The following NAV2 variants were observed in gnomAD, a reference collection of about 807,000 sequenced individuals.
The protein encoded by NAV2 is neuron navigator 2.
Under a neutral mutation model 223.2 loss-of-function variants are expected in NAV2, and 54 were observed. The observed-to-expected ratio is 0.24, with a 90% CI of 0.19 to 0.30. The LOEUF is 0.30. Among genes scored for constraint, NAV2 ranks in the 10% least tolerant of loss-of-function variants. The probability of loss-of-function intolerance (pLI) is 1.00; values close to 1 mark genes in which losing one functional copy is unlikely to be tolerated. For missense variants in NAV2, 2,806 were observed against 3,147.5 expected (o/e 0.89, Z 2.60); for synonymous variants, 1,279 against 1,239.3 (o/e 1.03, Z -0.67).
At chr11:19,592,744 C>A (rs781634114) in intron 1 of NAV2, among the ~76,000 whole-genome samples, 32 of 152,004 alleles carry the variant, frequency 2.1e-4, no homozygotes, top group Non-Finnish European at 3.7e-4. Context: ...TATGAAGTAA[C>A]AATGAAAATA....
intron 1 of NAV2, chr11:19,506,973 A>G (rs2134196473): frequency 6.6e-6 from 1 of 152,284 alleles, no homozygotes; most frequent in African/African-American, 2.4e-5. Flanking sequence ...CAGAGGTCAC[A>G]CACCCACAAT....
intron 1 of NAV2, among the ~76,000 whole-genome samples, chr11:19,642,146 C>G (rs780744839): frequency 1.4e-4 from 22 of 152,144 alleles, no homozygotes; most frequent in Non-Finnish European, 2.8e-4. Flanking sequence ...ATCCCTATGC[C>G]GTATCTCTAC....
chr11:20,031,093 G>C (rs761621793), intron 11 of NAV2, among the ~76,000 whole-genome samples: 30 of 152,124 alleles, frequency 2.0e-4, no homozygotes, highest in Non-Finnish European at 4.1e-4. Context: ...ACTGTTTCAG[G>C]ACCAGGACAC....
chr11:19,368,787 C>T (rs577146684), intron 1 of NAV2, among the ~76,000 whole-genome samples: 30 of 152,266 alleles, frequency 2.0e-4, no homozygotes, highest in South Asian at 1.5e-3. Flanking sequence ...AGCTTTTAAT[C>T]ATATTTTTCA....
intron 1 of NAV2, among the ~76,000 whole-genome samples, chr11:19,467,340 A>G (rs906994232): frequency 1.3e-5 from 2 of 152,188 alleles, no homozygotes; most frequent in African/African-American, 2.4e-5. Context: ...AGTTTCTTCA[A>G]AATAATATTA....
chr11:19,529,276 A>G (rs1052861603), intron 1 of NAV2, among the ~76,000 whole-genome samples: 1 of 152,238 alleles, frequency 6.6e-6, no homozygotes, highest in African/African-American at 2.4e-5. Flanking sequence ...AGAAGCATTT[A>G]GATCCACAAA....
At chr11:19,653,065 C>T (rs915053222) in intron 1 of NAV2, among the ~76,000 whole-genome samples, 1 of 152,200 alleles carries the variant, frequency 6.6e-6, no homozygotes, top group Non-Finnish European at 1.5e-5. Flanking sequence ...CGGTAGCCAT[C>T]CTTTCTCCAT....
At chr11:19,807,738 G>A (rs917448516) in intron 1 of NAV2, among the ~76,000 whole-genome samples, 3 of 152,202 alleles carry the variant, frequency 2.0e-5, no homozygotes, top group African/African-American at 7.2e-5. Flanking sequence ...GGTGAGCAAA[G>A]GATGTGCTCA....
At chr11:19,401,765 A>G (rs1849695727) in intron 1 of NAV2, 1 of 152,206 alleles carries the variant, frequency 6.6e-6, no homozygotes, top group African/African-American at 2.4e-5. Context: ...GGTATATTTC[A>G]TGGAACACTA....
At chr11:19,577,227 G>A (rs541570343) in intron 1 of NAV2, among the ~76,000 whole-genome samples, 36 of 152,364 alleles carry the variant, frequency 2.4e-4, no homozygotes, top group African/African-American at 7.9e-4. Context: ...CTTGTCCAAC[G>A]TCCGTGTGTT....
chr11:20,098,411 C>T (rs1239545239), intron 31 of NAV2, among the ~76,000 whole-genome samples: 2 of 152,216 alleles, frequency 1.3e-5, no homozygotes, highest in Non-Finnish European at 2.9e-5. Context: ...CTGTTTAATC[C>T]AGTCTGTCCC....
intron 1 of NAV2, among the ~76,000 whole-genome samples, chr11:19,539,356 C>T (rs1176840361): frequency 6.6e-6 from 1 of 152,228 alleles, no homozygotes; most frequent in Non-Finnish European, 1.5e-5. Context: ...CCTTCTCCCA[C>T]TTGATAAAAA....
Position 19,769,741 on chromosome 11 carries a change from C to T in NAV2, c.267+55779C>T, listed in dbSNP as rs573203953. Among the ~76,000 whole-genome samples the T allele has an allele frequency of 1.1e-4, 17 of 151,766 alleles. No individual in the cohort carries two copies. In the East Asian group the frequency reaches 2.9e-3, roughly 26 times the overall value. On this transcript the variant is annotated intron_variant, in intron 1 of 37. Transcript: ENST00000349880. ...TCTAAGGGAAAGGTTTCCCAAGCCT[C>T]CCATCAGGTAATAATTTTTTAACCC...
chr11:19,728,757 G>A (rs1332766006), intron 1 of NAV2, among the ~76,000 whole-genome samples: 2 of 152,204 alleles, frequency 1.3e-5, no homozygotes, highest in Non-Finnish European at 2.9e-5. Context: ...TGTGTTTTCT[G>A]CTGTACTGTT....
chr11:19,980,580 C>CT (rs759358141), intron 10 of NAV2, among the ~76,000 whole-genome samples: 69 of 152,154 alleles, frequency 4.5e-4, no homozygotes, highest in Non-Finnish European at 8.1e-4. Context: ...GAAACACAAG[C>CT]TTTTTTAACA....
rs915096958 is a variant in NAV2, at chr11:19,897,167, G to C, written c.931+4573G>C. Among the ~76,000 whole-genome samples the C allele has an allele frequency of 7.5e-4, 114 of 151,984 alleles. 1 individual carries two copies. The highest frequency in any genetic ancestry group is 1.5e-4 in the Non-Finnish European group (10 of 68,014). On this transcript the variant is annotated intron_variant, in intron 6 of 37. Transcript: ENST00000349880. ...CAAACACCGCATGTTCTCACTCATA[G>C]GTGGGAATTGAACAATGAGAACACA...
chr11:19,738,035 A>C (rs1229768068), intron 1 of NAV2, among the ~76,000 whole-genome samples: 1 of 152,242 alleles, frequency 6.6e-6, no homozygotes, highest in Non-Finnish European at 1.5e-5. Flanking sequence ...ATAATGTACA[A>C]CTTCATGAAT....
intron 29 of NAV2, among the ~76,000 whole-genome samples, chr11:20,093,574 A>G (rs1448968534): frequency 6.6e-6 from 1 of 152,208 alleles, no homozygotes; most frequent in Non-Finnish European, 1.5e-5. Flanking sequence ...AACTGACCAC[A>G]TGCAGCCGAC....
intron 19 of NAV2, among the ~76,000 whole-genome samples, chr11:20,057,443 G>A (rs990803420): frequency 6.6e-6 from 1 of 152,194 alleles, no homozygotes; most frequent in African/African-American, 2.4e-5. Context: ...TGGGACCAAG[G>A]ATTAAGGAGG....
Sources: allele counts gnomAD v4.1 joint callset (sites outside exome capture counted in the v4.1 genomes callset), GRCh38; gene constraint gnomAD v4.1.1; transcripts MANE v1.5; gene names NCBI Gene and HGNC (gene_info 2026-07-23, HGNC 2026-07-21).